The following MICAL2 variants were observed in gnomAD, a reference collection of about 807,000 sequenced individuals.
The protein encoded by MICAL2 is [F-actin]-monooxygenase MICAL2.
A neutral mutation model predicts 127.3 loss-of-function variants in MICAL2; 77 were observed. The observed-to-expected ratio is 0.60, with a 90% CI of 0.50 to 0.73. The LOEUF is 0.73. MICAL2 is among the 30% of genes least tolerant of loss of function. The probability of loss-of-function intolerance (pLI) is 0.00; values close to 1 mark genes in which losing one functional copy is unlikely to be tolerated. For synonymous variants in MICAL2, 570 were observed against 551.1 expected (o/e 1.03, Z -0.48); for missense variants, 1,351 against 1,434.4 (o/e 0.94, Z 0.94).
Position 12,342,618 on chromosome 11 carries a change from T to C in MICAL2, c.5516-7220T>C, listed in dbSNP as rs138575796. On this transcript the variant is annotated intron_variant, in intron 32 of 34. Transcript: ENST00000646065. ...TTACTATAGAAATGGCATGGTATAG[T>C]TTACTGAGTGTTTACTATGTGCCAA... Among the ~76,000 whole-genome samples, 5 of 152,314 alleles carry C rather than the reference T, an allele frequency of 3.3e-5. No homozygotes were observed. In the East Asian group the frequency reaches 9.7e-4, roughly 29 times the overall value.
At chr11:12,330,900 AGTGTGT>A (rs200754218) in intron 32 of MICAL2, among the ~76,000 whole-genome samples, 5,164 of 119,472 alleles carry the variant, frequency 0.043, 374 homozygotes, top group African/African-American at 0.15. Flanking sequence ...AGAGAGAGAG[AGTGTGT>A]GTGTGTGTGT....
chr11:12,349,411 C>T (rs538532221), intron 32 of MICAL2, among the ~76,000 whole-genome samples: 54 of 152,262 alleles, frequency 3.5e-4, no homozygotes, highest in African/African-American at 1.2e-3. Flanking sequence ...GAGCCACACA[C>T]CACCTGGGTA....
At chr11:12,244,648 T>C (rs1258072449) in intron 21 of MICAL2, among the ~76,000 whole-genome samples, 1 of 152,162 alleles carries the variant, frequency 6.6e-6, no homozygotes, top group Non-Finnish European at 1.5e-5. Flanking sequence ...GAAGGTAATA[T>C]GGGAACTGAG....
downstream of MICAL2, chr11:12,294,504 C>A (rs369683985): frequency 2.5e-5 from 40 of 1,614,064 alleles, no homozygotes; most frequent in Non-Finnish European, 3.3e-5. Context: ...GTCTTTCCTG[C>A]ACTTAGGTCC....
At chr11:12,279,341 G>A (rs928856596) in intron 1 of MICAL2, among the ~76,000 whole-genome samples, 1 of 152,142 alleles carries the variant, frequency 6.6e-6, no homozygotes, top group African/African-American at 2.4e-5. Flanking sequence ...AGAACATGAG[G>A]GGAAAGCAGG....
At chr11:12,218,785 G>A (rs1269196330) in intron 8 of MICAL2, among the ~76,000 whole-genome samples, 2 of 152,200 alleles carry the variant, frequency 1.3e-5, no homozygotes, top group Non-Finnish European at 2.9e-5. Context: ...TGAAATCATG[G>A]CTACTCAGAA....
chr11:12,334,948 A>G (rs1053749213), intron 32 of MICAL2, among the ~76,000 whole-genome samples: 3 of 152,120 alleles, frequency 2.0e-5, no homozygotes, highest in Admixed American at 6.5e-5. Context: ...CATGACTTAT[A>G]ATCCTTTGGG....
chr11:12,126,628 G>A (rs1019617228), intron 1 of MICAL2, among the ~76,000 whole-genome samples: 4 of 151,640 alleles, frequency 2.6e-5, no homozygotes, highest in Non-Finnish European at 2.9e-5. Flanking sequence ...GTGCTGTGGG[G>A]ATGACAAGAT....
At chr11:12,195,375 C>T (rs139683174) in intron 3 of MICAL2, among the ~76,000 whole-genome samples, 2 of 152,142 alleles carry the variant, frequency 1.3e-5, no homozygotes, top group Non-Finnish European at 2.9e-5. Flanking sequence ...TGAAATGCAC[C>T]ACAAAATAAG....
At chr11:12,249,163 T>C (rs574392521) in intron 21 of MICAL2, 21 bp from the exon 22 acceptor site, 4 of 1,613,036 alleles carry the variant, frequency 2.5e-6, no homozygotes, top group Non-Finnish European at 3.4e-6. Context: ...AAAATGCATG[T>C]TGATCCCTCT....
At chr11:12,325,549 G>A (rs1864345132) in intron 31 of MICAL2, among the ~76,000 whole-genome samples, 1 of 152,212 alleles carries the variant, frequency 6.6e-6, no homozygotes, top group African/African-American at 2.4e-5. Flanking sequence ...TCAAGGTGCT[G>A]GCAGGTTTGG....
At chr11:12,224,308 CCTG>C (rs1231114096) in intron 12 of MICAL2, 1 of 203,640 alleles carries the variant, frequency 4.9e-6, no homozygotes, top group Non-Finnish European at 1.0e-5. Flanking sequence ...CTCAGGCAAA[CCTG>C]CTAATGTGCT....
At chr11:12,246,975 G>A (rs976301058) in intron 21 of MICAL2, among the ~76,000 whole-genome samples, 2 of 152,206 alleles carry the variant, frequency 1.3e-5, no homozygotes, top group Non-Finnish European at 2.9e-5. Flanking sequence ...GTGGGGACCT[G>A]GAATGCTGGG....
chr11:12,347,223 C>G (rs998481045), intron 32 of MICAL2, among the ~76,000 whole-genome samples: 1 of 152,182 alleles, frequency 6.6e-6, no homozygotes, highest in Non-Finnish European at 1.5e-5. Flanking sequence ...CTCAGAAAGT[C>G]CAGCCTCACA....
chr11:12,324,226 A>G lies in MICAL2; in HGVS notation c.5421+156A>G, dbSNP rs148848919. Among the ~76,000 whole-genome samples the G allele has an allele frequency of 4.3e-4, 65 of 152,258 alleles. No individual in the cohort carries two copies. The East Asian group carries it at 0.012, about 29-fold the overall frequency. On this transcript the variant is annotated intron_variant, in intron 31 of 34. Coordinates refer to the MICAL2 transcript ENST00000646065. ...GAGGAACCAGATTTGTGGCCGTTTT[A>G]AAGAGGCTCTGGCTTAGTCTCAGTA... is the stretch of plus-strand genomic sequence containing the variant.
chr11:12,115,647 C>G (rs1312560681), intron 1 of MICAL2, among the ~76,000 whole-genome samples: 1 of 152,072 alleles, frequency 6.6e-6, no homozygotes, highest in African/African-American at 2.4e-5. Flanking sequence ...CAAAATCTAA[C>G]AAAATTTTAA....
At chr11:12,258,615 G>C in intron 25 of MICAL2, 59 bp downstream of exon 25, 1 of 1,510,036 alleles carries the variant, frequency 6.6e-7, no homozygotes. Flanking sequence ...AGGGTTTCCA[G>C]TGATCCTCAA....
intron 32 of MICAL2, among the ~76,000 whole-genome samples, chr11:12,334,424 T>G (rs1310983124): frequency 1.3e-5 from 2 of 152,146 alleles, no homozygotes; most frequent in Non-Finnish European, 2.9e-5. Flanking sequence ...CCTTTTTTTA[T>G]CCAGAATATT....
chr11:12,145,275 G>A (rs1010021663), intron 2 of MICAL2, among the ~76,000 whole-genome samples: 17 of 152,316 alleles, frequency 1.1e-4, no homozygotes, highest in African/African-American at 3.6e-4. Flanking sequence ...TCAGGACCCA[G>A]CATGCACTTC....
Sources: allele counts gnomAD v4.1 joint callset (sites outside exome capture counted in the v4.1 genomes callset), GRCh38; gene constraint gnomAD v4.1.1; transcripts MANE v1.5; gene names NCBI Gene and HGNC (gene_info 2026-07-23, HGNC 2026-07-21).